The following ENTREP2 variants were observed in gnomAD, a reference collection of about 807,000 sequenced individuals.
The protein encoded by ENTREP2 is protein ENTREP2.
the ENTREP2 span, among the ~76,000 whole-genome samples, chr15:29,530,335 T>C: frequency 1.3e-5 from 2 of 152,164 alleles, no homozygotes; most frequent in Admixed American, 6.5e-5. Context: ...TGGGGAAAAG[T>C]GGCCAGGGAT....
At chr15:29,616,189 T>A in the ENTREP2 span, among the ~76,000 whole-genome samples, 1 of 152,166 alleles carries the variant, frequency 6.6e-6, no homozygotes. Context: ...TTGGAATAAA[T>A]CCTTTGTGCA....
chr15:29,430,660 A>AACC, the ENTREP2 span, among the ~76,000 whole-genome samples: 3 of 137,044 alleles, frequency 2.2e-5, no homozygotes, highest in African/African-American at 9.7e-5. Flanking sequence ...AAAAACAAAC[A>AACC]AACAAACAAA....
chr15:29,448,306 TA>T, the ENTREP2 span, among the ~76,000 whole-genome samples: 1 of 152,126 alleles, frequency 6.6e-6, no homozygotes, highest in African/African-American at 2.4e-5. Context: ...TCTGTGGATT[TA>T]AAACGAAGAC....
At chr15:29,624,871 TTGTGTGTGTGTGTGTGTGTG>T in the ENTREP2 span, among the ~76,000 whole-genome samples, 6 of 143,624 alleles carry the variant, frequency 4.2e-5, no homozygotes, top group African/African-American at 1.6e-4. Context: ...CTGCATTAAT[TTGTGTGTGTGTGTGTGTGTG>T]TGTGTGTGTG....
the ENTREP2 span, among the ~76,000 whole-genome samples, chr15:29,397,305 G>C: frequency 0.6 from 90,928 of 152,006 alleles, 28,139 homozygotes; most frequent in African/African-American, 0.76. Flanking sequence ...GTAGGAGAAT[G>C]TCTTGAACCC....
At chr15:29,407,004 T>C in the ENTREP2 span, among the ~76,000 whole-genome samples, 1 of 152,216 alleles carries the variant, frequency 6.6e-6, no homozygotes, top group Admixed American at 6.5e-5. Flanking sequence ...CTGGGGTTAA[T>C]TGCCTCATTT....
the ENTREP2 span, among the ~76,000 whole-genome samples, chr15:29,296,639 T>C: frequency 6.6e-6 from 1 of 152,182 alleles, no homozygotes; most frequent in African/African-American, 2.4e-5. Context: ...AGATGTCAGT[T>C]CTACTAAAAT....
the ENTREP2 span, among the ~76,000 whole-genome samples, chr15:29,145,622 C>CAAAAAAAAAAAAAAAA: frequency 1.7e-5 from 1 of 58,254 alleles, no homozygotes; most frequent in Non-Finnish European, 3.0e-5. Context: ...GACTCCATCT[C>CAAAAAAAAAAAAAAAA]AAAAAAAAAA....
At chr15:29,198,726 C>T in the ENTREP2 span, among the ~76,000 whole-genome samples, 1 of 152,366 alleles carries the variant, frequency 6.6e-6, no homozygotes, top group African/African-American at 2.4e-5. Flanking sequence ...TGTCATTCCT[C>T]CCACTTGCTG....
the ENTREP2 span, among the ~76,000 whole-genome samples, chr15:29,223,743 G>C: frequency 2.6e-5 from 4 of 152,118 alleles, no homozygotes; most frequent in African/African-American, 7.2e-5. Flanking sequence ...GGTAGCCAGA[G>C]AGGCTGGTTC....
At chr15:29,440,753 C>T in the ENTREP2 span, among the ~76,000 whole-genome samples, 9 of 152,148 alleles carry the variant, frequency 5.9e-5, no homozygotes, top group African/African-American at 1.7e-4. Flanking sequence ...CTGCCATCAT[C>T]GCTCTCCCTC....
the ENTREP2 span, among the ~76,000 whole-genome samples, chr15:29,215,982 AT>A: frequency 6.6e-6 from 1 of 152,148 alleles, no homozygotes; most frequent in Admixed American, 6.5e-5. Flanking sequence ...GTACCATTGC[AT>A]TCATTGTGCT....
the ENTREP2 span, among the ~76,000 whole-genome samples, chr15:29,157,358 G>C: frequency 6.6e-6 from 1 of 152,138 alleles, no homozygotes; most frequent in Admixed American, 6.5e-5. Context: ...CAGACTTCAG[G>C]GGCCTGGGGG....
At chr15:29,268,822 G>A in the ENTREP2 span, 1 of 1,613,540 alleles carries the variant, frequency 6.2e-7, no homozygotes, top group Non-Finnish European at 8.5e-7. Flanking sequence ...ACTAGGCTGA[G>A]GTCTGGCCCT....
the ENTREP2 span, chr15:29,381,681 G>T: frequency 9.8e-7 from 1 of 1,019,306 alleles, no homozygotes. Flanking sequence ...CTGAAAAGAA[G>T]TTGGAATTCT....
chr15:29,348,662 C>T, the ENTREP2 span, among the ~76,000 whole-genome samples: 1 of 152,286 alleles, frequency 6.6e-6, no homozygotes, highest in South Asian at 2.1e-4. Context: ...TATGTGGCTT[C>T]TGCAATGTGA....
the ENTREP2 span, among the ~76,000 whole-genome samples, chr15:29,487,037 G>A: frequency 6.6e-6 from 1 of 152,094 alleles, no homozygotes; most frequent in South Asian, 2.1e-4. Context: ...TAGAATAGAG[G>A]ATTTTCAATG....
At chr15:29,478,721 A>G in the ENTREP2 span, among the ~76,000 whole-genome samples, 10 of 151,212 alleles carry the variant, frequency 6.6e-5, no homozygotes, top group Admixed American at 4.0e-4. Flanking sequence ...CCTGGCAAAC[A>G]TGGCAAAACC....
chr15:29,420,964 A>C, the ENTREP2 span, among the ~76,000 whole-genome samples: 1 of 152,226 alleles, frequency 6.6e-6, no homozygotes, highest in Non-Finnish European at 1.5e-5. Flanking sequence ...TCCACAAAAC[A>C]AGGCAGCAAA....
Sources: allele counts gnomAD v4.1 joint callset (sites outside exome capture counted in the v4.1 genomes callset), GRCh38; gene constraint gnomAD v4.1.1; transcripts MANE v1.5; gene names NCBI Gene and HGNC (gene_info 2026-07-23, HGNC 2026-07-21).